Variants in ADCY2 observed in about 807,000 individuals in gnomAD.
The protein encoded by ADCY2 is adenylate cyclase type 2.
A neutral mutation model predicts 125.2 loss-of-function variants in ADCY2; 31 were observed. That is an observed-to-expected ratio of 0.25 (90% CI 0.19 to 0.33). ADCY2 has a LOEUF of 0.33. ADCY2 is among the 10% of genes least tolerant of loss of function. ADCY2 has a pLI of 1.00. For missense variants in ADCY2, 904 were observed against 1,418.2 expected (o/e 0.64, Z 5.82); for synonymous variants, 512 against 548.4 (o/e 0.93, Z 0.93).
chr5:7,527,013 A>G (rs1305777197), intron 3 of ADCY2, among the ~76,000 whole-genome samples: 14 of 152,256 alleles, frequency 9.2e-5, no homozygotes, highest in African/African-American at 3.4e-4. Context: ...ATAGGATAAC[A>G]TGCATTTGAC....
At chr5:7,824,588 T>G (rs954318806) in intron 24 of ADCY2, among the ~76,000 whole-genome samples, 1 of 152,134 alleles carries the variant, frequency 6.6e-6, no homozygotes, top group African/African-American at 2.4e-5. Flanking sequence ...CTCCCGGGGC[T>G]CCTGCCCTCC....
chr5:7,520,708 A>G, intron 2 of ADCY2, 30 bp from the exon 3 acceptor site: 1 of 1,609,492 alleles, frequency 6.2e-7, no homozygotes, highest in Non-Finnish European at 8.5e-7. Flanking sequence ...ATATTTGGTG[A>G]CTCTTATTGT....
rs3924425 is a variant in ADCY2, at chr5:7,586,618, G to A, written c.571-39549G>A. Among the ~76,000 whole-genome samples, 1,143 of 152,188 alleles carry A rather than the reference G, an allele frequency of 7.5e-3. 14 individuals are homozygous for A. The highest frequency in any genetic ancestry group is 0.026 in the African/African-American group (1,074 of 41,512). ...TCTAATGAGCCGCTGACAGGAGCCC[G>A]CCGTGCATCTCGGGGGATGTCTTCA... On this transcript the variant is annotated intron_variant, in intron 3 of 24. Coordinates refer to ENST00000338316, the MANE Select transcript of ADCY2 (RefSeq NM_020546.3).
At position 7,690,766 on chromosome 5, in the gene ADCY2, G is replaced by C; in HGVS notation, c.796G>C (p.Gly266Arg). Residue 266 changes from glycine (G) to arginine (R), a missense_variant, in exon 5 of 25, where the codon GGC (glycine) becomes CGC (arginine). Around this residue, in one of 7 missense-constraint regions of ADCY2, gnomAD observed 117 missense variants for 248.0 expected, o/e 0.47. Transcript: ENST00000338316. ...MKAEIIQRLQ[G>R]PKAGQMENTN... ...AGCGGAGATCATCCAGAGGCTGCAG[G>C]GCCCCAAGGCGGGCCAGATGGAGAA... is the stretch of plus-strand genomic sequence containing the variant. 1 of 1,610,404 alleles carries C rather than the reference G, an allele frequency of 6.2e-7. No individual in the cohort carries two copies. Among genetic ancestry groups the C allele is most frequent in the Non-Finnish European group, 8.5e-7 (1 of 1,178,606 alleles).
intron 2 of ADCY2, among the ~76,000 whole-genome samples, chr5:7,422,802 C>CT (rs968410892): frequency 2.0e-5 from 3 of 152,262 alleles, no homozygotes; most frequent in South Asian, 2.1e-4. Context: ...GTGCAAACAT[C>CT]TTTTTTTATT....
At chr5:7,447,537 C>T (rs910690175) in intron 2 of ADCY2, among the ~76,000 whole-genome samples, 13 of 152,188 alleles carry the variant, frequency 8.5e-5, no homozygotes, top group Non-Finnish European at 1.2e-4. Flanking sequence ...ACACCTCCCC[C>T]TACCTCATGT....
chr5:7,527,414 A>C (rs920196706), intron 3 of ADCY2, among the ~76,000 whole-genome samples: 1 of 152,332 alleles, frequency 6.6e-6, no homozygotes, highest in Middle Eastern at 3.4e-3. Context: ...CTATGTATAC[A>C]TCATGATTGC....
intron 18 of ADCY2, among the ~76,000 whole-genome samples, chr5:7,782,522 G>C (rs952392676): frequency 3.9e-5 from 6 of 152,196 alleles, no homozygotes; most frequent in Non-Finnish European, 5.9e-5. Context: ...GTTCTGATTT[G>C]TTGCACTAAT....
intron 4 of ADCY2, among the ~76,000 whole-genome samples, chr5:7,631,392 A>G (rs982260492): frequency 4.6e-5 from 7 of 152,132 alleles, no homozygotes; most frequent in Non-Finnish European, 8.8e-5. Context: ...CGTTTTTCCC[A>G]TTTAAACCGA....
At chr5:7,629,798 G>T (rs1235308743) in intron 4 of ADCY2, among the ~76,000 whole-genome samples, 1 of 152,142 alleles carries the variant, frequency 6.6e-6, no homozygotes, top group Admixed American at 6.5e-5. Context: ...AGTGAGTGTT[G>T]CTCTCTGGGG....
At chr5:7,809,857 T>G (rs997375711) in intron 22 of ADCY2, among the ~76,000 whole-genome samples, 2 of 152,254 alleles carry the variant, frequency 1.3e-5, no homozygotes, top group Non-Finnish European at 2.9e-5. Context: ...ATGGTTGCAT[T>G]ACATGTAAGA....
chr5:7,502,009 C>T (rs904136850), intron 2 of ADCY2, among the ~76,000 whole-genome samples: 4 of 152,130 alleles, frequency 2.6e-5, no homozygotes, highest in Admixed American at 2.0e-4. Flanking sequence ...GCTGATCTAC[C>T]TGGGAAGGAA....
At chr5:7,532,393 G>A (rs1209234106) in intron 3 of ADCY2, among the ~76,000 whole-genome samples, 1 of 152,140 alleles carries the variant, frequency 6.6e-6, no homozygotes, top group Admixed American at 6.5e-5. Context: ...AGGTTTTCCG[G>A]GTAAGTAGTC....
At chr5:7,410,723 G>A (rs1387285133) in intron 1 of ADCY2, among the ~76,000 whole-genome samples, 1 of 152,042 alleles carries the variant, frequency 6.6e-6, no homozygotes, top group Admixed American at 6.6e-5. Context: ...TATTTAATTT[G>A]CATTATATGA....
chr5:7,790,058 C>T (rs555733204), intron 20 of ADCY2, among the ~76,000 whole-genome samples: 3 of 152,070 alleles, frequency 2.0e-5, no homozygotes, highest in Admixed American at 6.6e-5. Flanking sequence ...GAGATTTTTT[C>T]CCCAATCATG....
intron 3 of ADCY2, among the ~76,000 whole-genome samples, chr5:7,543,251 G>A (rs898657878): frequency 4.0e-5 from 6 of 151,848 alleles, no homozygotes; most frequent in Non-Finnish European, 7.4e-5. Context: ...CATATTCAAA[G>A]GCATCATTAA....
intron 22 of ADCY2, among the ~76,000 whole-genome samples, chr5:7,814,477 G>T (rs953880881): frequency 6.7e-6 from 1 of 149,898 alleles, no homozygotes; most frequent in Non-Finnish European, 1.5e-5. Context: ...AGGACAGCCC[G>T]CAAAGCAGAG....
At chr5:7,771,538 G>A (rs1056849760) in intron 17 of ADCY2, among the ~76,000 whole-genome samples, 5 of 152,136 alleles carry the variant, frequency 3.3e-5, no homozygotes, top group African/African-American at 9.7e-5. Flanking sequence ...GTGTCAGGTC[G>A]AAGTCCTTAC....
chr5:7,682,888 A>C (rs1220553341), intron 4 of ADCY2, among the ~76,000 whole-genome samples: 1 of 152,248 alleles, frequency 6.6e-6, no homozygotes, highest in Non-Finnish European at 1.5e-5. Context: ...AAGTAGAATG[A>C]GTGAATTATC....
Sources: gnomAD v4.1 joint callset for allele counts (sites outside exome capture counted in the v4.1 genomes callset) on GRCh38, gnomAD v4.1.1 for gene constraint, gnomAD v4.1.1 regional missense constraint, MANE v1.5 for transcripts, NCBI Gene and HGNC (gene_info 2026-07-23, HGNC 2026-07-21) for gene names.